The following SLC4A4 variants were observed in gnomAD, a reference collection of about 807,000 sequenced individuals.
SLC4A4 encodes solute carrier family 4 member 4, also known as electrogenic sodium bicarbonate cotransporter 1.
A neutral mutation model predicts 111.5 loss-of-function variants in SLC4A4; 27 were observed. The ratio of observed to expected loss-of-function variants is 0.24; its 90% CI spans 0.18 to 0.33. The LOEUF (loss-of-function observed/expected upper bound fraction) is 0.33. Among genes scored for constraint, SLC4A4 ranks in the 10% least tolerant of loss-of-function variants. The pLI is 1.00. For missense variants in SLC4A4, 909 were observed against 1,315.5 expected, an observed-to-expected ratio of 0.69 and a Z score of 4.78; for synonymous variants, 443 against 463.4, an observed-to-expected ratio of 0.96 and a Z score of 0.57.
chr4:71,354,328 T>C (rs959369662), intron 5 of SLC4A4, among the ~76,000 whole-genome samples: 27 of 152,214 alleles, frequency 1.8e-4, no homozygotes, highest in African/African-American at 6.0e-4. Flanking sequence ...GGTCCTATTG[T>C]TTCTTACTTT....
upstream of SLC4A4, among the ~76,000 whole-genome samples, chr4:71,182,514 T>C (rs1048985059): frequency 3.3e-5 from 5 of 151,936 alleles, no homozygotes; most frequent in Non-Finnish European, 7.4e-5. Flanking sequence ...GGTTAGTCCA[T>C]AGGGAAACCT....
At chr4:71,151,710 G>A (rs888988231) in intron 2 of SLC4A4, among the ~76,000 whole-genome samples, 16 of 151,188 alleles carry the variant, frequency 1.1e-4, no homozygotes, top group East Asian at 5.8e-4. Context: ...CTTGACCCCG[G>A]GAGTTCAAGG....
chr4:71,413,529 T>C (rs1345209434), intron 7 of SLC4A4, among the ~76,000 whole-genome samples: 1 of 152,226 alleles, frequency 6.6e-6, no homozygotes, highest in East Asian at 1.9e-4. Context: ...ATTTTTGTCA[T>C]CATATTTGAT....
At chr4:71,466,918 C>T (rs1727378646) in intron 13 of SLC4A4, among the ~76,000 whole-genome samples, 1 of 132,720 alleles carries the variant, frequency 7.5e-6, no homozygotes, top group African/African-American at 2.7e-5. Flanking sequence ...ATGGGGAGTA[C>T]CAACAAGACG....
chr4:71,532,902 G>T (rs553930626), intron 17 of SLC4A4, among the ~76,000 whole-genome samples: 2 of 152,200 alleles, frequency 1.3e-5, no homozygotes, highest in East Asian at 3.9e-4. Flanking sequence ...AATGTGAATT[G>T]TAATTATTAC....
At chr4:71,298,268 T>C (rs1724966356) in intron 3 of SLC4A4, among the ~76,000 whole-genome samples, 1 of 152,146 alleles carries the variant, frequency 6.6e-6, no homozygotes, top group Non-Finnish European at 1.5e-5. Context: ...CATCAAAAGG[T>C]ATATTTATAT....
chr4:71,512,554 A>T (rs1732025626), intron 16 of SLC4A4, among the ~76,000 whole-genome samples: 1 of 152,130 alleles, frequency 6.6e-6, no homozygotes, highest in Non-Finnish European at 1.5e-5. Context: ...TGTTGGATGA[A>T]TAATTTGCAA....
intron 16 of SLC4A4, among the ~76,000 whole-genome samples, chr4:71,506,981 A>G (rs1194359155): frequency 3.3e-5 from 5 of 152,136 alleles, no homozygotes; most frequent in Admixed American, 2.6e-4. Flanking sequence ...AGAATATTGT[A>G]TCTCACCAAA....
chr4:71,364,096 T>C (rs1454986419), intron 6 of SLC4A4, among the ~76,000 whole-genome samples: 4 of 152,198 alleles, frequency 2.6e-5, no homozygotes, highest in Admixed American at 2.0e-4. Flanking sequence ...TTCCACTCTT[T>C]ATAGCAATGA....
At chr4:71,375,553 C>A (rs540536794) in intron 6 of SLC4A4, among the ~76,000 whole-genome samples, 1 of 152,222 alleles carries the variant, frequency 6.6e-6, no homozygotes, top group South Asian at 2.1e-4. Context: ...CTTTACTGAC[C>A]TTGAACTCTG....
At chr4:71,109,201 T>C (rs1743024495) in intron 2 of SLC4A4, among the ~76,000 whole-genome samples, 1 of 152,180 alleles carries the variant, frequency 6.6e-6, no homozygotes, top group South Asian at 2.1e-4. Context: ...CTGCCTTAGG[T>C]ATGAACTGAA....
At chr4:71,385,488 A>G (rs1184778017) in intron 6 of SLC4A4, among the ~76,000 whole-genome samples, 3 of 151,894 alleles carry the variant, frequency 2.0e-5, no homozygotes, top group African/African-American at 7.3e-5. Flanking sequence ...GTGAGCCATC[A>G]CGCCCAGCCT....
chr4:71,338,654 A>G (rs1728625660), intron 3 of SLC4A4, among the ~76,000 whole-genome samples: 1 of 151,498 alleles, frequency 6.6e-6, no homozygotes. Flanking sequence ...AGATAGGGTC[A>G]AAAGGAGCTA....
At chr4:71,552,564 T>A (rs537998024) in intron 20 of SLC4A4, among the ~76,000 whole-genome samples, 1 of 151,928 alleles carries the variant, frequency 6.6e-6, no homozygotes, top group African/African-American at 2.4e-5. Flanking sequence ...TAGAACTGCA[T>A]TCACCAGAAT....
chr4:71,088,966 G>T (rs2148939232), intron 1 of SLC4A4, among the ~76,000 whole-genome samples: 1 of 152,092 alleles, frequency 6.6e-6, no homozygotes, highest in African/African-American at 2.4e-5. Context: ...TGCTAGATTG[G>T]GGAAGTTCTC....
intron 20 of SLC4A4, among the ~76,000 whole-genome samples, chr4:71,548,615 A>G (rs928442369): frequency 1.3e-5 from 2 of 151,950 alleles, no homozygotes; most frequent in Non-Finnish European, 1.5e-5. Context: ...TAACAGCTAT[A>G]AACAACCACT....
chr4:71,409,441 T>C (rs979635986), intron 7 of SLC4A4, among the ~76,000 whole-genome samples: 2 of 152,214 alleles, frequency 1.3e-5, no homozygotes, highest in African/African-American at 4.8e-5. Flanking sequence ...CTTGTTATGT[T>C]TTAGCAAAGA....
At chr4:71,236,127 G>C (rs1560801038) in intron 1 of SLC4A4, 1 of 1,037,334 alleles carries the variant, frequency 9.6e-7, no homozygotes, top group East Asian at 8.5e-5. Context: ...GTGTGTGTGA[G>C]GGTATACATT....
chr4:71,326,869 T>C (rs964147738), intron 3 of SLC4A4, among the ~76,000 whole-genome samples: 2 of 152,044 alleles, frequency 1.3e-5, no homozygotes, highest in Non-Finnish European at 2.9e-5. Context: ...CTACAAACTT[T>C]TGTCTCACAA....
Sources: allele counts gnomAD v4.1 joint callset (sites outside exome capture counted in the v4.1 genomes callset), GRCh38; gene constraint gnomAD v4.1.1; transcripts MANE v1.5; gene names NCBI Gene and HGNC (gene_info 2026-07-23, HGNC 2026-07-21).